Variants in BAZ2B observed in about 807,000 individuals in gnomAD.
BAZ2B encodes bromodomain adjacent to zinc finger domain 2B.
In BAZ2B, 91 loss-of-function variants were observed where a neutral mutation model predicts 246.0. The observed-to-expected ratio is 0.37, with a 90% CI of 0.31 to 0.44. The LOEUF (loss-of-function observed/expected upper bound fraction) is 0.44, where lower values mean the gene tolerates loss of function less well. BAZ2B is among the 20% of genes least tolerant of loss of function. BAZ2B has a pLI of 1.00. For missense variants in BAZ2B, 2,332 were observed against 2,533.7 expected (o/e 0.92, Z 1.71); for synonymous variants, 855 against 860.0 (o/e 0.99, Z 0.10).
intron 16 of BAZ2B, among the ~76,000 whole-genome samples, chr2:159,400,960 C>T (rs1442413182): frequency 1.3e-5 from 2 of 152,048 alleles, no homozygotes; most frequent in Non-Finnish European, 2.9e-5. Flanking sequence ...AGGAGAATGG[C>T]GTGAACCCAG....
intron 4 of BAZ2B, among the ~76,000 whole-genome samples, chr2:159,450,016 TTTAAA>T (rs2074830197): frequency 1.3e-5 from 2 of 152,148 alleles, no homozygotes; most frequent in Admixed American, 1.3e-4. Context: ...TATAAAAAAT[TTTAAA>T]AAGCAGGGAG....
chr2:159,540,974 A>C (rs577568235), intron 2 of BAZ2B, among the ~76,000 whole-genome samples: 5 of 152,304 alleles, frequency 3.3e-5, no homozygotes, highest in Admixed American at 1.3e-4. Flanking sequence ...CACATCTCTC[A>C]ACATAGTAGG....
intron 31 of BAZ2B, among the ~76,000 whole-genome samples, chr2:159,341,159 A>G (rs574871309): frequency 6.6e-6 from 1 of 152,264 alleles, no homozygotes; most frequent in South Asian, 2.1e-4. Context: ...TGTAGACTGA[A>G]AGTGAATGGA....
chr2:159,384,839 C>T (rs1403621034), intron 23 of BAZ2B, among the ~76,000 whole-genome samples: 1 of 152,050 alleles, frequency 6.6e-6, no homozygotes, highest in African/African-American at 2.4e-5. Context: ...GGTGGTACCA[C>T]ATTCTGGTAC....
the BAZ2B span, chr2:159,689,839 G>A: frequency 4.1e-6 from 2 of 487,804 alleles, no homozygotes; most frequent in Non-Finnish European, 3.7e-6. Flanking sequence ...TCCAGATTTG[G>A]CAGAATTGCT....
the BAZ2B span, among the ~76,000 whole-genome samples, chr2:159,635,033 T>C: frequency 6.6e-6 from 1 of 152,064 alleles, no homozygotes; most frequent in Non-Finnish European, 1.5e-5. Context: ...CCATGAGAAA[T>C]TTAGTATGGC....
intron 13 of BAZ2B, among the ~76,000 whole-genome samples, chr2:159,413,126 A>G (rs1425960967): frequency 2.6e-5 from 4 of 152,214 alleles, no homozygotes; most frequent in Non-Finnish European, 1.5e-5. Flanking sequence ...GGCTCATACA[A>G]TCACCTATAA....
intron 25 of BAZ2B, among the ~76,000 whole-genome samples, chr2:159,377,811 C>CAAAAAAAAAAAAAAAAAAAAAAAAAAA: frequency 4.4e-5 from 1 of 22,580 alleles, no homozygotes; most frequent in East Asian, 1.6e-3. Context: ...GACTCTGTCT[C>CAAAAAAAAAAAAAAAAAAAAAAAAAAA]CAAAAAAAAA....
At chr2:159,607,805 G>A (rs1693844259) in intron 1 of BAZ2B, among the ~76,000 whole-genome samples, 1 of 151,848 alleles carries the variant, frequency 6.6e-6, no homozygotes, top group African/African-American at 2.4e-5. Context: ...TAAACCGAAG[G>A]GCCTTTTCTA....
intron 2 of BAZ2B, among the ~76,000 whole-genome samples, chr2:159,494,268 T>C (rs944234918): frequency 6.6e-6 from 1 of 152,006 alleles, no homozygotes; most frequent in Non-Finnish European, 1.5e-5. Flanking sequence ...AGTAGAATCA[T>C]AAAAAAATGA....
rs544493476 is a variant in BAZ2B at position 159,353,419 on chromosome 2, A to T, written c.4214-3062T>A. 4.6e-5 allele frequency among the ~76,000 whole-genome samples: 7 copies of T among 152,334 alleles called. No individual in the cohort carries two copies. In the East Asian group the frequency reaches 9.6e-4, roughly 21 times the overall value. On this transcript the variant is annotated intron_variant, in intron 27 of 36. Coordinates refer to ENST00000392783, the MANE Select transcript of BAZ2B (RefSeq NM_013450.4). Reference sequence around the variant, plus strand: ...GATTGCCCCAGCTTACTGCCTTGGGACAGCTTCTAGGATACAACAATAAGG... The same window carrying T: ...GATTGCCCCAGCTTACTGCCTTGGGTCAGCTTCTAGGATACAACAATAAGG...
the BAZ2B span, among the ~76,000 whole-genome samples, chr2:159,660,320 A>G: frequency 6.6e-6 from 1 of 152,186 alleles, no homozygotes; most frequent in African/African-American, 2.4e-5. Flanking sequence ...GATAAATAAT[A>G]TTCCACTGTA....
Position 159,421,561 on chromosome 2 carries a change from A to G in BAZ2B, c.2466+6380T>C, listed in dbSNP as rs144743641. 7.6e-3 allele frequency among the ~76,000 whole-genome samples: 1,158 copies of G among 152,260 alleles called. 46 individuals carry two copies. In the East Asian group the frequency reaches 0.091, roughly 12 times the overall value. ...GGTAATAATTACATTGTTGTCCTTCAGTAAATGATAAATTTATCTAAATTT... is the reference window on the plus strand; with the variant it reads ...GGTAATAATTACATTGTTGTCCTTCGGTAAATGATAAATTTATCTAAATTT... On this transcript the variant is annotated intron_variant, in intron 13 of 36. Coordinates refer to ENST00000392783, the MANE Select transcript of BAZ2B (RefSeq NM_013450.4).
At chr2:159,337,240 T>A (rs535320243) in intron 32 of BAZ2B, among the ~76,000 whole-genome samples, 163 bp from the exon 33 acceptor site, 28 of 152,308 alleles carry the variant, frequency 1.8e-4, no homozygotes, top group African/African-American at 6.0e-4. Context: ...AGACTGTGGC[T>A]ACGTGCCTCA....
At chr2:159,523,546 G>A (rs1023041186) in intron 2 of BAZ2B, among the ~76,000 whole-genome samples, 3 of 151,342 alleles carry the variant, frequency 2.0e-5, no homozygotes, top group Admixed American at 6.6e-5. Context: ...TCTACTAAAA[G>A]TACAAAAATT....
At chr2:159,662,851 C>T in the BAZ2B span, among the ~76,000 whole-genome samples, 1 of 152,060 alleles carries the variant, frequency 6.6e-6, no homozygotes, top group Non-Finnish European at 1.5e-5. Flanking sequence ...GGTTTTTAAA[C>T]AGCCATCCTA....
In BAZ2B at chr2:159,402,645, G is replaced by A. The variant is rs577127263; in HGVS notation, c.2833-1981C>T. 7.9e-5 allele frequency among the ~76,000 whole-genome samples: 12 copies of A among 152,170 alleles called. No individual in the cohort carries two copies. The East Asian group carries it at 2.3e-3, about 29-fold the overall frequency. On this transcript the variant is annotated intron_variant, in intron 16 of 36. Transcript: ENST00000392783. ...CTCTTGTCAATTATAACATTATAAGGTGCTATGTTTTCAAGCCAGCAAAAG... is the reference window on the plus strand; with the variant it reads ...CTCTTGTCAATTATAACATTATAAGATGCTATGTTTTCAAGCCAGCAAAAG...
In BAZ2B at chr2:159,349,976, C is replaced by G. The variant is rs2058380920; in HGVS notation, c.4595G>C (p.Gly1532Ala). The G allele has an allele frequency of 1.6e-5, 26 of 1,614,164 alleles. No individual in the cohort carries two copies. Among genetic ancestry groups the G allele is most frequent in the Non-Finnish European group, 2.2e-5 (26 of 1,180,008 alleles). Residue 1532 changes from glycine (G) to alanine (A), a missense_variant, in exon 28 of 37, where the codon GGT becomes GCT. Coordinates refer to ENST00000392783, the MANE Select transcript of BAZ2B (RefSeq NM_013450.4). ...GTAGAACTTCCCTGGACCACTTGAACCAGTATTAAACAGATTATTAGAGTC... is the reference window on the plus strand; with the variant it reads ...GTAGAACTTCCCTGGACCACTTGAAGCAGTATTAAACAGATTATTAGAGTC... ...KADSNNLFNTGSSGPGKFYSP... is the reference protein window; with the variant it reads ...KADSNNLFNTASSGPGKFYSP...
chr2:159,527,045 A>G (rs2084828010), intron 2 of BAZ2B, among the ~76,000 whole-genome samples: 1 of 151,062 alleles, frequency 6.6e-6, no homozygotes, highest in Non-Finnish European at 1.5e-5. Flanking sequence ...ATTTCTTCAT[A>G]TCTTTGCCAG....
Sources: gnomAD v4.1 joint callset for allele counts (sites outside exome capture counted in the v4.1 genomes callset) on GRCh38, gnomAD v4.1.1 for gene constraint, MANE v1.5 for transcripts, NCBI Gene and HGNC (gene_info 2026-07-23, HGNC 2026-07-21) for gene names.